The following CTCF variants were observed in gnomAD, a reference collection of about 807,000 sequenced individuals.
The protein encoded by CTCF is CCCTC-binding factor.
In CTCF, 7 loss-of-function variants were observed where a neutral mutation model predicts 72.3. That is an observed-to-expected ratio of 0.10 (90% CI 0.06 to 0.18). The LOEUF (loss-of-function observed/expected upper bound fraction) is 0.18, where lower values mean the gene tolerates loss of function less well. Among genes scored for constraint, CTCF ranks in the 10% least tolerant of loss-of-function variants. The pLI is 1.00. For missense variants in CTCF, 516 were observed against 949.1 expected (o/e 0.54, Z 6.00); for synonymous variants, 374 against 315.8 (o/e 1.18, Z -1.95).
chr16:67,571,822 A>C (rs1465749303), intron 2 of CTCF, among the ~76,000 whole-genome samples: 1 of 152,148 alleles, frequency 6.6e-6, no homozygotes, highest in African/African-American at 2.4e-5. Context: ...AGTGATTATC[A>C]TTTTAATTTA....
At chr16:67,587,999 A>G (rs1027731191) in intron 2 of CTCF, among the ~76,000 whole-genome samples, 9 of 151,958 alleles carry the variant, frequency 5.9e-5, no homozygotes, top group Non-Finnish European at 8.8e-5. Context: ...CTGGGATTTC[A>G]GGCGCCCACC....
chr16:67,569,523 G>C (rs1351012107), intron 1 of CTCF, among the ~76,000 whole-genome samples: 1 of 152,010 alleles, frequency 6.6e-6, no homozygotes, highest in Non-Finnish European at 1.5e-5. Flanking sequence ...TTCTTTAGAG[G>C]TAGGTTCCAC....
chr16:67,594,601 AAAATAGTGATGC>A (rs2051788143), intron 2 of CTCF, among the ~76,000 whole-genome samples: 1 of 152,100 alleles, frequency 6.6e-6, no homozygotes, highest in South Asian at 2.1e-4. Flanking sequence ...CATCACTAAA[AAAATAGTGATGC>A]AAAGAGAGCA....
chr16:67,585,874 A>AT (rs1423520617), intron 2 of CTCF, among the ~76,000 whole-genome samples: 1 of 151,878 alleles, frequency 6.6e-6, no homozygotes, highest in Non-Finnish European at 1.5e-5. Flanking sequence ...TTGGTTTGTA[A>AT]TTTTTTTCTC....
At chr16:67,616,497 G>A (rs2052133447) in intron 4 of CTCF, 2 of 457,986 alleles carry the variant, frequency 4.4e-6, no homozygotes, top group South Asian at 3.4e-5. Context: ...TGTATTCAAA[G>A]GCAGCGGATT....
At chr16:67,588,981 G>A (rs984407697) in intron 2 of CTCF, among the ~76,000 whole-genome samples, 2 of 151,868 alleles carry the variant, frequency 1.3e-5, no homozygotes, top group African/African-American at 2.4e-5. Flanking sequence ...GTGAGCCACC[G>A]TGCCCAGCCT....
At chr16:67,585,633 A>G (rs981631709) in intron 2 of CTCF, among the ~76,000 whole-genome samples, 2 of 152,088 alleles carry the variant, frequency 1.3e-5, no homozygotes, top group African/African-American at 2.4e-5. Context: ...AAAGTTTTCA[A>G]TTTTTCCAAC....
rs532272647 is a variant in CTCF at position 67,570,116 on chromosome 16, G to T, written c.-126-1032G>T. ...TTTTGAGACGGAGTCTCGCTGTGTTGCCCAGGCTGGAATGCAGTGGCAGGA... is the reference window on the plus strand; with the variant it reads ...TTTTGAGACGGAGTCTCGCTGTGTTTCCCAGGCTGGAATGCAGTGGCAGGA... On this transcript the variant is annotated intron_variant, in intron 1 of 11. Coordinates refer to ENST00000264010, the MANE Select transcript of CTCF (RefSeq NM_006565.4). 8.0e-3 allele frequency among the ~76,000 whole-genome samples: 1,117 copies of T among 139,282 alleles called. 5 individuals carry two copies. The highest frequency in any genetic ancestry group is 0.013 in the Non-Finnish European group (843 of 65,548). The allele number at this position is 139,282 out of a possible 152,430, so 91.4% of individuals were successfully genotyped here. A position where few individuals can be genotyped will look rare whatever the true frequency, so the allele number is the denominator to read the frequency against.
At chr16:67,628,979 G>T (rs1350320508) in intron 9 of CTCF, among the ~76,000 whole-genome samples, 1 of 151,886 alleles carries the variant, frequency 6.6e-6, no homozygotes, top group Non-Finnish European at 1.5e-5. Context: ...GTGTACCCGG[G>T]AGGCAGAGCT....
At chr16:67,621,229 G>C (rs1386069883) in intron 6 of CTCF, 3 of 472,222 alleles carry the variant, frequency 6.4e-6, no homozygotes, top group Non-Finnish European at 7.6e-6. Flanking sequence ...GGATTCCAGA[G>C]TAGAGCTGGG....
At chr16:67,631,679 C>CT (rs1567617687) in intron 10 of CTCF, among the ~76,000 whole-genome samples, 1 of 65,966 alleles carries the variant, frequency 1.5e-5, no homozygotes, top group Non-Finnish European at 2.7e-5. Flanking sequence ...AGGTCCCCCC[C>CT]ACCCCCCCCC....
chr16:67,629,626 C>A, intron 10 of CTCF, 93 bp downstream of exon 10: 2 of 1,252,886 alleles, frequency 1.6e-6, no homozygotes, highest in Non-Finnish European at 1.1e-6. Flanking sequence ...GATATAGAGG[C>A]GGGCACACAC....
At chr16:67,604,963 G>GAT (rs2051954109) in intron 2 of CTCF, among the ~76,000 whole-genome samples, 1 of 118,190 alleles carries the variant, frequency 8.5e-6, no homozygotes, top group African/African-American at 4.0e-5. Flanking sequence ...GTATAAATGG[G>GAT]ATTTTTTTTT....
At chr16:67,610,353 T>C (rs1314332453) in intron 2 of CTCF, among the ~76,000 whole-genome samples, 1 of 145,556 alleles carries the variant, frequency 6.9e-6, no homozygotes, top group South Asian at 2.2e-4. Context: ...TCTTTTTCTT[T>C]TTTTTTTTTT....
At position 67,636,765 on chromosome 16, in the gene CTCF, C is replaced by G. The variant is rs1396410914; in HGVS notation, c.1913C>G (p.Pro638Arg). ...GTAGAAATTGAACCTGAGCCAGAGC[C>G]TCAGCCTGTGACCCCAGCCCCACCA... The part of the protein sequence containing the change: ...PAVEIEPEPE[P>R]QPVTPAPPPA... Residue 638 changes from proline (P) to arginine (R), a missense_variant, in exon 11 of 12, where the codon CCT (proline) becomes CGT (arginine). Physicochemically the swap from Pro to Arg is moderately radical, Grantham distance 103 (BLOSUM62 -2). Coordinates refer to ENST00000264010, the MANE Select transcript of CTCF (RefSeq NM_006565.4). 2.5e-6 allele frequency: 4 copies of G among 1,607,618 alleles called. No individual in the cohort carries two copies. The highest frequency in any genetic ancestry group is 3.4e-6 in the Non-Finnish European group (4 of 1,177,138).
chr16:67,567,066 T>G (rs1044850803), intron 1 of CTCF, among the ~76,000 whole-genome samples: 3 of 151,966 alleles, frequency 2.0e-5, no homozygotes, highest in African/African-American at 7.3e-5. Flanking sequence ...GGTCTCAAAC[T>G]CGTGGCCTCA....
At chr16:67,565,092 C>T (rs2051325344) in intron 1 of CTCF, among the ~76,000 whole-genome samples, 1 of 151,822 alleles carries the variant, frequency 6.6e-6, no homozygotes, top group Admixed American at 6.6e-5. Flanking sequence ...ACCTCTGCCT[C>T]CCGGATTCAA....
At chr16:67,611,906 C>T (rs1597714345) in intron 3 of CTCF, 45 bp from the exon 4 acceptor site, 4 of 1,538,298 alleles carry the variant, frequency 2.6e-6, no homozygotes, top group Middle Eastern at 1.7e-4. Context: ...TTAATCTTAA[C>T]ACTTTGAAAC....
chr16:67,574,298 C>T (rs972655275), intron 2 of CTCF, among the ~76,000 whole-genome samples: 3 of 152,232 alleles, frequency 2.0e-5, no homozygotes, highest in Non-Finnish European at 2.9e-5. Flanking sequence ...GTTCACAGAC[C>T]TCAAGGAAAC....
Sources: gnomAD v4.1 joint callset for allele counts (sites outside exome capture counted in the v4.1 genomes callset) on GRCh38, gnomAD v4.1.1 for gene constraint, MANE v1.5 for transcripts, NCBI Gene and HGNC (gene_info 2026-07-23, HGNC 2026-07-21) for gene names.